The following CLSTN2 variants were observed in gnomAD, a reference collection of about 807,000 sequenced individuals.
CLSTN2 encodes the protein calsyntenin 2.
Under a neutral mutation model 101.2 loss-of-function variants are expected in CLSTN2, and 48 were observed. That is an observed-to-expected ratio of 0.47 (90% CI 0.38 to 0.60). The LOEUF (loss-of-function observed/expected upper bound fraction) is 0.60, where lower values mean the gene tolerates loss of function less well. CLSTN2 is among the 20% of genes least tolerant of loss of function. CLSTN2 has a pLI of 0.00. For synonymous variants in CLSTN2, 481 were observed against 463.6 expected (o/e 1.04, Z -0.48); for missense variants, 1,160 against 1,238.2 (o/e 0.94, Z 0.95).
chr3:140,100,769 G>A (rs931539260), intron 1 of CLSTN2, among the ~76,000 whole-genome samples: 10 of 152,216 alleles, frequency 6.6e-5, no homozygotes, highest in African/African-American at 9.6e-5. Context: ...GCCGGGAGAC[G>A]CATCATCAGC....
intron 6 of CLSTN2, among the ~76,000 whole-genome samples, chr3:140,456,794 A>C (rs1264166272): frequency 7.3e-6 from 1 of 136,694 alleles, no homozygotes; most frequent in Non-Finnish European, 1.6e-5. Flanking sequence ...CAAAAATAAA[A>C]TAAAATAAAA....
intron 8 of CLSTN2, among the ~76,000 whole-genome samples, chr3:140,523,309 A>G (rs142954719): frequency 3.3e-5 from 5 of 152,282 alleles, no homozygotes; most frequent in African/African-American, 1.2e-4. Flanking sequence ...TTCTTTGTGT[A>G]GAGAACTTAG....
chr3:140,045,504 G>GT (rs1162184834), intron 1 of CLSTN2, among the ~76,000 whole-genome samples: 2 of 152,018 alleles, frequency 1.3e-5, no homozygotes, highest in African/African-American at 2.4e-5. Flanking sequence ...TTTTTGAAGG[G>GT]TTTTTTGTGT....
chr3:140,531,608 C>T (rs1293267829), intron 8 of CLSTN2, among the ~76,000 whole-genome samples: 3 of 152,074 alleles, frequency 2.0e-5, no homozygotes, highest in African/African-American at 7.2e-5. Flanking sequence ...AGCATGACTC[C>T]CAAGGCACTT....
intron 5 of CLSTN2, among the ~76,000 whole-genome samples, chr3:140,432,620 G>A (rs1388863473): frequency 3.9e-5 from 6 of 152,162 alleles, no homozygotes; most frequent in Non-Finnish European, 4.4e-5. Context: ...TTAAGGTGCA[G>A]CAAATGGCTC....
chr3:139,995,529 A>G (rs1313812244), intron 1 of CLSTN2, among the ~76,000 whole-genome samples: 2 of 152,036 alleles, frequency 1.3e-5, no homozygotes, highest in Non-Finnish European at 2.9e-5. Flanking sequence ...TCATCTCTGA[A>G]TTGTCTGCAG....
intron 1 of CLSTN2, among the ~76,000 whole-genome samples, chr3:140,152,996 G>C (rs1295911972): frequency 6.6e-6 from 1 of 152,190 alleles, no homozygotes; most frequent in East Asian, 1.9e-4. Flanking sequence ...AGCCTCATTG[G>C]CTGTGGAGCT....
chr3:140,183,184 T>G (rs1185208258), intron 2 of CLSTN2, among the ~76,000 whole-genome samples: 1 of 152,194 alleles, frequency 6.6e-6, no homozygotes, highest in African/African-American at 2.4e-5. Flanking sequence ...AGACTATTGA[T>G]AGATCCTGCT....
At chr3:140,065,059 T>G (rs1250307069) in intron 1 of CLSTN2, among the ~76,000 whole-genome samples, 2 of 152,206 alleles carry the variant, frequency 1.3e-5, no homozygotes, top group Non-Finnish European at 2.9e-5. Flanking sequence ...CTAACAACCA[T>G]GGAAGCAATT....
intron 9 of CLSTN2, among the ~76,000 whole-genome samples, chr3:140,533,226 C>G (rs1162286774): frequency 6.6e-6 from 1 of 152,126 alleles, no homozygotes; most frequent in Non-Finnish European, 1.5e-5. Context: ...TGTTTCAGCT[C>G]CTTTAAGGGC....
At chr3:140,029,520 G>C (rs2007502995) in intron 1 of CLSTN2, among the ~76,000 whole-genome samples, 1 of 152,140 alleles carries the variant, frequency 6.6e-6, no homozygotes, top group African/African-American at 2.4e-5. Context: ...GTTATTGTTT[G>C]AGATCTGAAG....
At chr3:140,343,963 C>T (rs2087516953) in intron 2 of CLSTN2, among the ~76,000 whole-genome samples, 1 of 152,154 alleles carries the variant, frequency 6.6e-6, no homozygotes, top group South Asian at 2.1e-4. Context: ...CGGATGACTA[C>T]CCAAAAGAAG....
At chr3:140,337,006 A>G (rs374894764) in intron 2 of CLSTN2, among the ~76,000 whole-genome samples, 9 of 152,174 alleles carry the variant, frequency 5.9e-5, no homozygotes, top group African/African-American at 2.2e-4. Context: ...CTCCATCAGT[A>G]GCAATTCTTC....
chr3:140,421,263 C>T lies in CLSTN2; in HGVS notation c.776C>T (p.Pro259Leu). The T allele has an allele frequency of 1.2e-6, 2 of 1,614,124 alleles. No individual in the cohort carries two copies. The highest frequency in any genetic ancestry group is 1.7e-6 in the Non-Finnish European group (2 of 1,180,000). Residue 259 changes from proline (P) to leucine (L), a missense_variant, in exon 5 of 17, where the codon CCT becomes CTT. Pro to Leu is a moderately conservative substitution (Grantham distance 98). Coordinates refer to ENST00000458420, the MANE Select transcript of CLSTN2 (RefSeq NM_022131.3). ...VQVDVKPVCK[P>L]GWQDWTKRIE... ...GTGGATGTGAAGCCAGTTTGCAAGC[C>T]TGGCTGGCAAGGTGGGCCTGTTTTA... is the stretch of plus-strand genomic sequence containing the variant.
At chr3:140,446,600 C>T (rs1372486602) in intron 5 of CLSTN2, among the ~76,000 whole-genome samples, 1 of 152,170 alleles carries the variant, frequency 6.6e-6, no homozygotes, top group Non-Finnish European at 1.5e-5. Flanking sequence ...TCAATCCTTA[C>T]CTCAATACTA....
chr3:140,471,388 G>T (rs1467830401), intron 8 of CLSTN2, among the ~76,000 whole-genome samples: 1 of 152,214 alleles, frequency 6.6e-6, no homozygotes, highest in African/African-American at 2.4e-5. Context: ...GACACAGCTT[G>T]AGTGACAGCC....
At position 140,572,140 on chromosome 3, in the gene CLSTN2, G is replaced by GTT. The variant is rs1276594742; in HGVS notation, c.*5889_*5890dup. ...AGCAGTCAGGACTTTGGGGACAGAA[G>GTT]TTTAGTGTTAGGGAGGCAGGGTAAC... On this transcript the variant is annotated 3_prime_UTR_variant, in exon 17 of 17. Coordinates refer to ENST00000458420, the MANE Select transcript of CLSTN2 (RefSeq NM_022131.3). 6.6e-6 allele frequency: 1 copy of GTT among 152,280 alleles called. No individual in the cohort carries two copies. The highest frequency in any genetic ancestry group is 1.5e-5 in the Non-Finnish European group (1 of 68,092). 9.4% of individuals were successfully genotyped at this position (152,280 alleles called of 1,614,324 possible).
At chr3:140,248,209 G>A (rs1200011550) in intron 2 of CLSTN2, among the ~76,000 whole-genome samples, 1 of 152,180 alleles carries the variant, frequency 6.6e-6, no homozygotes, top group African/African-American at 2.4e-5. Flanking sequence ...AGCTTTGAAT[G>A]CCCACAGAAT....
Position 140,403,764 on chromosome 3 carries a change from T to C in CLSTN2, c.368T>C (p.Ile123Thr), listed in dbSNP as rs1187195337. 1 of 1,614,152 alleles carries C rather than the reference T, an allele frequency of 6.2e-7. No individual in the cohort carries two copies. The highest frequency in any genetic ancestry group is 2.2e-5 in the East Asian group (1 of 44,878). The change falls in exon 3 of 17, where the codon ATC (isoleucine) becomes ACC (threonine). Residue 123 changes from isoleucine (I) to threonine (T), a missense_variant. By Grantham distance (89) the Ile-to-Thr change is moderately conservative. Coordinates refer to ENST00000458420, the MANE Select transcript of CLSTN2 (RefSeq NM_022131.3). ...GAGTTGCAGAAGGAGTACACATTCA[T>C]CATCCAGGCCTATGACTGTGGTGCT... is the stretch of plus-strand genomic sequence containing the variant. Reference protein sequence around the residue: ...DCELQKEYTFIIQAYDCGAGP... With the variant: ...DCELQKEYTFTIQAYDCGAGP...
Sources: allele counts gnomAD v4.1 joint callset (sites outside exome capture counted in the v4.1 genomes callset), GRCh38; gene constraint gnomAD v4.1.1; transcripts MANE v1.5; gene names NCBI Gene and HGNC (gene_info 2026-07-23, HGNC 2026-07-21).